PRDM11: variants seen among roughly 807,000 people sequenced by gnomAD.
The protein encoded by PRDM11 is PR domain-containing protein 11.
Under a neutral mutation model 97.8 loss-of-function variants are expected in PRDM11, and 20 were observed. The ratio of observed to expected loss-of-function variants is 0.20; its 90% CI spans 0.14 to 0.30. PRDM11 has a LOEUF of 0.30. Ranked by LOEUF, PRDM11 falls within the 10% of genes least tolerant of loss-of-function variation. PRDM11 has a pLI of 1.00. For missense variants in PRDM11, 1,139 were observed against 1,555.2 expected (o/e 0.73, Z 4.50); for synonymous variants, 599 against 637.7 (o/e 0.94, Z 0.91).
At position 45,149,097 on chromosome 11, in the gene PRDM11, C is replaced by T. The variant is rs962809012; in HGVS notation, c.-7+2220C>T. 2.0e-5 allele frequency among the ~76,000 whole-genome samples: 3 copies of T among 152,182 alleles called. No homozygotes were observed. The South Asian group carries it at 6.2e-4, about 31-fold the overall frequency. ...AATGAACCCATCCACTTCTCTCCATCCCCTCTTCCCCAGTGTTGTAGTCAA... is the reference window on the plus strand; with the variant it reads ...AATGAACCCATCCACTTCTCTCCATTCCCTCTTCCCCAGTGTTGTAGTCAA... On this transcript the variant is annotated intron_variant, in intron 1 of 7. Transcript: ENST00000683152.
intron 1 of PRDM11, among the ~76,000 whole-genome samples, chr11:45,110,728 G>A: frequency 6.6e-6 from 1 of 152,204 alleles, no homozygotes; most frequent in South Asian, 2.1e-4. Flanking sequence ...TCCAGGTGCG[G>A]GGTGCAAGGA....
intron 1 of PRDM11, among the ~76,000 whole-genome samples, chr11:45,135,374 T>C (rs571533758): frequency 6.6e-6 from 1 of 152,316 alleles, no homozygotes; most frequent in South Asian, 2.1e-4. Context: ...AGTAATTATT[T>C]GCATGAGATA....
intron 5 of PRDM11, among the ~76,000 whole-genome samples, chr11:45,210,868 C>A (rs1239895079): frequency 1.3e-5 from 2 of 152,200 alleles, no homozygotes; most frequent in Admixed American, 6.5e-5. Flanking sequence ...GAGGATTCCA[C>A]CCCGTGATAA....
At chr11:45,185,658 A>G (rs970818601) in intron 4 of PRDM11, among the ~76,000 whole-genome samples, 1 of 152,186 alleles carries the variant, frequency 6.6e-6, no homozygotes, top group Non-Finnish European at 1.5e-5. Context: ...TGGACAAAAA[A>G]GGGGGTGGAT....
chr11:45,168,760 T>C (rs1852130563), intron 1 of PRDM11, among the ~76,000 whole-genome samples: 1 of 152,150 alleles, frequency 6.6e-6, no homozygotes, highest in Non-Finnish European at 1.5e-5. Flanking sequence ...ACCCGGCAAG[T>C]GGTCAATGCA....
chr11:45,186,140 G>A (rs1281817116), intron 4 of PRDM11, among the ~76,000 whole-genome samples: 1 of 152,230 alleles, frequency 6.6e-6, no homozygotes, highest in Non-Finnish European at 1.5e-5. Context: ...TAATACATGT[G>A]TGTTGTTTTA....
At chr11:45,157,036 A>T (rs2135696391) in intron 1 of PRDM11, among the ~76,000 whole-genome samples, 1 of 151,402 alleles carries the variant, frequency 6.6e-6, no homozygotes, top group Non-Finnish European at 1.5e-5. Flanking sequence ...AGGAATTGAG[A>T]CTTTGCCCTG....
In PRDM11 at chr11:45,234,532, G is replaced by C. The variant is rs757507769; in HGVS notation, c.*6373G>C. ...TACCTGGCTCAAGAGAGACCAGGCC[G>C]GGCCGAGCCTTCTTCCCACTGCAGT... On this transcript the variant is annotated 3_prime_UTR_variant, in exon 8 of 8. Transcript: ENST00000683152. 1.3e-5 allele frequency: 2 copies of C among 152,242 alleles called. No individual in the cohort carries two copies. The highest frequency in any genetic ancestry group is 2.9e-5 in the Non-Finnish European group (2 of 68,114). 9.4% of individuals were successfully genotyped at this position (152,242 alleles called of 1,614,324 possible).
At chr11:45,172,075 G>A (rs1427678316) in intron 1 of PRDM11, among the ~76,000 whole-genome samples, 1 of 152,198 alleles carries the variant, frequency 6.6e-6, no homozygotes, top group Non-Finnish European at 1.5e-5. Flanking sequence ...CCTTTCTCAG[G>A]TGTGATAATT....
At chr11:45,162,913 C>T (rs1031531167) in intron 1 of PRDM11, among the ~76,000 whole-genome samples, 1 of 152,238 alleles carries the variant, frequency 6.6e-6, no homozygotes, top group Non-Finnish European at 1.5e-5. Context: ...AGGCTCTCTG[C>T]ATGTCGGTTT....
chr11:45,221,684 T>C (rs1235785869), intron 6 of PRDM11, among the ~76,000 whole-genome samples: 1 of 151,944 alleles, frequency 6.6e-6, no homozygotes, highest in Non-Finnish European at 1.5e-5. Flanking sequence ...TGAAAGGAGA[T>C]ACACCGAGAC....
chr11:45,224,650 T>A lies in PRDM11; in HGVS notation c.1176T>A (p.Ser392Arg). The change falls in exon 7 of 8, where the codon AGT (serine) becomes AGA (arginine). Residue 392 changes from serine (S) to arginine (R), a missense_variant. Ser to Arg is a moderately radical substitution (Grantham distance 110). Coordinates refer to ENST00000683152, the MANE Select transcript of PRDM11 (RefSeq NM_001384648.1). ...EEEPSSFKAD[S>R]PAEASLASDP... ...AGCCTTCATCATTCAAGGCCGACAG[T>A]CCTGCCGAGGCCTCCCTTGCATCTG... 21 of 1,614,172 alleles carry A rather than the reference T, an allele frequency of 1.3e-5. No homozygotes were observed. Among genetic ancestry groups the A allele is most frequent in the Non-Finnish European group, 1.8e-5 (21 of 1,180,022 alleles).
intron 5 of PRDM11, chr11:45,212,563 C>A (rs369661981): frequency 2.2e-6 from 1 of 456,252 alleles, no homozygotes; most frequent in East Asian, 7.0e-5. Context: ...TGGCCAGGCC[C>A]GCCCTGCTCC....
rs1305309926 is a variant in PRDM11, at chr11:45,229,002, T to C, written c.*843T>C. 6.6e-6 allele frequency: 1 copy of C among 152,120 alleles called. No homozygotes were observed. The highest frequency in any genetic ancestry group is 6.5e-5 in the Admixed American group (1 of 15,274). The allele number at this position is 152,120 out of a possible 1,614,324, so 9.4% of individuals were successfully genotyped here. A position where few individuals can be genotyped will look rare whatever the true frequency, so the allele number is the denominator to read the frequency against. Reference sequence around the variant, plus strand: ...GGGGTAAGCTTTTAGCATTCCTGTTTTTACGAGGTGGAGGATAAAACAATA... The same window carrying C: ...GGGGTAAGCTTTTAGCATTCCTGTTCTTACGAGGTGGAGGATAAAACAATA... On this transcript the variant is annotated 3_prime_UTR_variant, in exon 8 of 8. Transcript: ENST00000683152.
intron 1 of PRDM11, among the ~76,000 whole-genome samples, chr11:45,101,575 AG>A (rs1554963223): frequency 7.9e-6 from 1 of 126,322 alleles, no homozygotes; most frequent in African/African-American, 2.7e-5. Flanking sequence ...AAAAAGAAGA[AG>A]AAGAAGAAGA....
chr11:45,196,197 C>G (rs1015176331), intron 4 of PRDM11, among the ~76,000 whole-genome samples: 1 of 152,130 alleles, frequency 6.6e-6, no homozygotes, highest in African/African-American at 2.4e-5. Context: ...CTTTTTTATT[C>G]TAGCCATCCT....
At chr11:45,214,087 C>T (rs544184223) in intron 5 of PRDM11, 1 of 222,594 alleles carries the variant, frequency 4.5e-6, no homozygotes, top group East Asian at 1.1e-4. Flanking sequence ...GGAGGGCAAC[C>T]TCTTCCCTGG....
intron 1 of PRDM11, among the ~76,000 whole-genome samples, chr11:45,147,162 C>A (rs562141874): frequency 3.3e-5 from 5 of 151,764 alleles, no homozygotes; most frequent in Admixed American, 1.3e-4. Context: ...CCAGCTCGCT[C>A]GCTCCTCGCC....
intron 4 of PRDM11, among the ~76,000 whole-genome samples, chr11:45,185,632 G>T (rs4755309): frequency 0.16 from 23,739 of 151,992 alleles, 2,278 homozygotes; most frequent in African/African-American, 0.26. Flanking sequence ...ACCTCAGAGG[G>T]TTCACATGGA....
Sources: allele counts gnomAD v4.1 joint callset (sites outside exome capture counted in the v4.1 genomes callset), GRCh38; gene constraint gnomAD v4.1.1; transcripts MANE v1.5; gene names NCBI Gene and HGNC (gene_info 2026-07-23, HGNC 2026-07-21).